Variants in CUX1 observed in about 807,000 individuals in gnomAD.
The protein encoded by CUX1 is cut like homeobox 1.
Under a neutral mutation model 158.8 loss-of-function variants are expected in CUX1, and 31 were observed. That is an observed-to-expected ratio of 0.20 (90% CI 0.15 to 0.26). CUX1 has a LOEUF of 0.26. CUX1 is among the 10% of genes least tolerant of loss of function. The probability of loss-of-function intolerance (pLI) is 1.00; values close to 1 mark genes in which losing one functional copy is unlikely to be tolerated. For missense variants in CUX1, 1,589 were observed against 2,014.6 expected (o/e 0.79, Z 4.04); for synonymous variants, 879 against 862.1 (o/e 1.02, Z -0.34).
At chr7:102,022,341 G>A (rs1265937242) in intron 2 of CUX1, among the ~76,000 whole-genome samples, 2 of 152,140 alleles carry the variant, frequency 1.3e-5, no homozygotes, top group Non-Finnish European at 2.9e-5. Context: ...AATACGGCCA[G>A]ACACAGTAGC....
At chr7:102,087,006 T>G (rs1339721200) in intron 4 of CUX1, among the ~76,000 whole-genome samples, 1 of 152,172 alleles carries the variant, frequency 6.6e-6, no homozygotes, top group Non-Finnish European at 1.5e-5. Context: ...TTTCTATACT[T>G]TTACTATTAA....
intron 1 of CUX1, among the ~76,000 whole-genome samples, chr7:101,862,748 C>T (rs1440858735): frequency 1.1e-4 from 17 of 152,062 alleles, no homozygotes. Context: ...CTTTCCTTCC[C>T]ATCGTAAGTC....
At chr7:102,189,002 G>A (rs1195609980) in intron 11 of CUX1, among the ~76,000 whole-genome samples, 5 of 152,070 alleles carry the variant, frequency 3.3e-5, no homozygotes, top group African/African-American at 1.2e-4. Context: ...GCAGGACTCA[G>A]ACCAGCTGGC....
At chr7:102,023,110 G>A (rs1819576880) in intron 2 of CUX1, among the ~76,000 whole-genome samples, 1 of 152,156 alleles carries the variant, frequency 6.6e-6, no homozygotes, top group Admixed American at 6.6e-5. Context: ...AGCTACTTGG[G>A]AGGCTGAAGC....
chr7:101,937,395 C>G (rs1308310971), intron 2 of CUX1, among the ~76,000 whole-genome samples: 1 of 152,188 alleles, frequency 6.6e-6, no homozygotes. Context: ...CAAAGATCGC[C>G]CAAGCTTTGG....
At chr7:102,146,190 C>T (rs981131787) in intron 8 of CUX1, among the ~76,000 whole-genome samples, 1 of 152,174 alleles carries the variant, frequency 6.6e-6, no homozygotes, top group African/African-American at 2.4e-5. Context: ...TCCCTGGAGG[C>T]ACTGTGCGGT....
chr7:101,898,518 A>G (rs1166330332), intron 1 of CUX1, among the ~76,000 whole-genome samples: 1 of 149,482 alleles, frequency 6.7e-6, no homozygotes, highest in Non-Finnish European at 1.5e-5. Flanking sequence ...TCCTGTATGT[A>G]CTTTATTCAC....
chr7:102,280,445 G>A (rs1397837596), intron 19 of CUX1, among the ~76,000 whole-genome samples: 15 of 152,212 alleles, frequency 9.9e-5, no homozygotes, highest in African/African-American at 3.6e-4. Context: ...GGGACAGGCA[G>A]ACAAGGAAAA....
intron 2 of CUX1, among the ~76,000 whole-genome samples, chr7:102,018,740 G>A (rs201096640): frequency 1.9e-5 from 1 of 51,754 alleles, no homozygotes; most frequent in East Asian, 2.0e-4. Context: ...GCTTGAGTGC[G>A]TGCGTGCGTG....
At chr7:101,927,652 A>G (rs1383942057) in intron 2 of CUX1, among the ~76,000 whole-genome samples, 1 of 152,198 alleles carries the variant, frequency 6.6e-6, no homozygotes, top group African/African-American at 2.4e-5. Flanking sequence ...CCTATCTTCA[A>G]AAAAAACAAA....
At chr7:102,062,358 C>T (rs1392629666) in intron 3 of CUX1, among the ~76,000 whole-genome samples, 7 of 152,212 alleles carry the variant, frequency 4.6e-5, no homozygotes, top group African/African-American at 1.7e-4. Context: ...CGTGCTGGCA[C>T]TCACATGGTT....
intron 1 of CUX1, among the ~76,000 whole-genome samples, chr7:101,842,276 C>T (rs1467302737): frequency 2.6e-5 from 4 of 152,094 alleles, no homozygotes; most frequent in East Asian, 1.9e-4. Context: ...TAGAAAAAAA[C>T]GTTATATATG....
intron 2 of CUX1, among the ~76,000 whole-genome samples, chr7:101,967,143 A>G (rs902288349): frequency 6.6e-6 from 1 of 151,882 alleles, no homozygotes; most frequent in Non-Finnish European, 1.5e-5. Context: ...CCTCCTGAGT[A>G]GCTGGGATTA....
At chr7:101,840,661 C>T (rs1795116667) in intron 1 of CUX1, among the ~76,000 whole-genome samples, 1 of 151,914 alleles carries the variant, frequency 6.6e-6, no homozygotes, top group Admixed American at 6.6e-5. Flanking sequence ...TGAAATTGGC[C>T]TATAATTTTC....
In CUX1 at chr7:102,202,015, A is replaced by G. The variant is rs1554519969; in HGVS notation, c.2718A>G (p.Pro906=). 1 of 1,614,020 alleles carries G rather than the reference A, an allele frequency of 6.2e-7. No homozygotes were observed. The highest frequency in any genetic ancestry group is 2.2e-5 in the East Asian group (1 of 44,860). The change falls in exon 18 of 24, where the codon CCA becomes CCG. Residue 906 remains proline, a synonymous_variant. Transcript: ENST00000292535. ...CCGGGGCCAGCCGCAGCGAGACACC[A>G]CAGAACAGCCCCCTGCCATCCTCCC... The part of the protein sequence containing the change: ...SLTGASRSET[P]QNSPLPSSPI...
chr7:102,239,258 TG>T, intron 22 of CUX1, 61 bp from the exon 23 acceptor site: 2 of 1,540,154 alleles, frequency 1.3e-6, no homozygotes, highest in South Asian at 1.2e-5. Flanking sequence ...CTAGCGGGAC[TG>T]GGGATTTGGG....
At chr7:101,842,275 AC>A (rs1302888427) in intron 1 of CUX1, among the ~76,000 whole-genome samples, 2 of 152,232 alleles carry the variant, frequency 1.3e-5, no homozygotes, top group Admixed American at 1.3e-4. Context: ...GTAGAAAAAA[AC>A]GTTATATATG....
chr7:101,990,273 G>T (rs554679802), intron 2 of CUX1, among the ~76,000 whole-genome samples: 138 of 152,176 alleles, frequency 9.1e-4, no homozygotes, highest in Non-Finnish European at 1.5e-3. Context: ...GAGGCAAAAG[G>T]ATTGCTTGAG....
intron 1 of CUX1, among the ~76,000 whole-genome samples, chr7:101,850,421 C>CTTTCTTT (rs1456181913): frequency 9.6e-6 from 1 of 104,660 alleles, no homozygotes; most frequent in African/African-American, 4.0e-5. Context: ...TTCTTTCTTT[C>CTTTCTTT]TTTTTTTTTT....
Sources: allele counts gnomAD v4.1 joint callset (sites outside exome capture counted in the v4.1 genomes callset), GRCh38; gene constraint gnomAD v4.1.1; transcripts MANE v1.5; gene names NCBI Gene and HGNC (gene_info 2026-07-23, HGNC 2026-07-21).